Variants in VPS26B observed in about 807,000 individuals in gnomAD.
VPS26B encodes the protein VPS26 retromer complex component B.
A neutral mutation model predicts 33.3 loss-of-function variants in VPS26B; 10 were observed. The observed-to-expected ratio is 0.30, with a 90% CI of 0.19 to 0.51. The LOEUF is 0.51. Ranked by LOEUF, VPS26B falls within the 20% of genes least tolerant of loss-of-function variation. VPS26B has a pLI of 0.98. For synonymous variants in VPS26B, 190 were observed against 176.9 expected (o/e 1.07, Z -0.59); for missense variants, 317 against 452.7 (o/e 0.70, Z 2.72).
chr11:134,227,121 A>G (rs1938490067), intron 1 of VPS26B, among the ~76,000 whole-genome samples: 1 of 152,152 alleles, frequency 6.6e-6, no homozygotes, highest in African/African-American at 2.4e-5. Context: ...TACTGACCAG[A>G]CAACAGTAGC....
Position 134,243,200 on chromosome 11 carries a change from C to T in VPS26B, c.627C>T (p.Ile209=), listed in dbSNP as rs1482683283. The T allele has an allele frequency of 3.1e-6, 5 of 1,613,516 alleles. No individual in the cohort carries two copies. Among genetic ancestry groups the T allele is most frequent in the Non-Finnish European group, 2.5e-6 (3 of 1,179,654 alleles). Reference sequence around the variant, plus strand: ...AAATCAAGCACATGGAGATAGACATCATCAAGCGAGAAACGACGGGTACAG... The same window carrying T: ...AAATCAAGCACATGGAGATAGACATTATCAAGCGAGAAACGACGGGTACAG... ...RIKIKHMEID[I]IKRETTGTGP... is the part of the protein sequence containing the mutation. The change falls in exon 4 of 6, where the codon ATC becomes ATT. Residue 209 remains isoleucine, a synonymous_variant. Coordinates refer to ENST00000281187, the MANE Select transcript of VPS26B (RefSeq NM_052875.5).
intron 1 of VPS26B, among the ~76,000 whole-genome samples, chr11:134,231,089 T>A (rs567941104): frequency 3.9e-5 from 6 of 152,268 alleles, no homozygotes; most frequent in African/African-American, 1.4e-4. Context: ...GGAACACCAG[T>A]GAAGTTTAGA....
chr11:134,229,121 C>G (rs1481633551), intron 1 of VPS26B, among the ~76,000 whole-genome samples: 7 of 152,162 alleles, frequency 4.6e-5, no homozygotes, highest in African/African-American at 4.8e-5. Flanking sequence ...CCTCAACCCC[C>G]TGGGCTCAAG....
At position 134,245,223 on chromosome 11, in the gene VPS26B, A is replaced by C; in HGVS notation, c.864+143A>C. 7.4e-7 allele frequency: 1 copy of C among 1,357,822 alleles called. No homozygotes were observed. The highest frequency in any genetic ancestry group is 9.9e-7 in the Non-Finnish European group (1 of 1,014,202). 84.1% of individuals were successfully genotyped at this position (1,357,822 alleles called of 1,614,324 possible). A position where few individuals can be genotyped will look rare whatever the true frequency, so the allele number is the denominator to read the frequency against. ...TTGCACAACAAGAATGAGGATTCTC[A>C]CCTGGCCTTAGAGTCTGCTTCCTCG... On this transcript the variant is annotated intron_variant, in intron 5 of 5. Coordinates refer to ENST00000281187, the MANE Select transcript of VPS26B (RefSeq NM_052875.5). The surrounding 1 kb of genome is among the most constrained non-coding windows in gnomAD (Gnocchi z 4.7).
rs900849664 is a variant in VPS26B, at chr11:134,240,349, C to A, written c.545+194C>A. On this transcript the variant is annotated intron_variant, in intron 3 of 5. Transcript: ENST00000281187. The surrounding 1 kb of genome is among the most constrained non-coding windows in gnomAD (Gnocchi z 4.4). ...AGCTGGACCGACCACGACGTAAACA[C>A]TTCATTTACCTAAACTAAACCATAT... Among the ~76,000 whole-genome samples the A allele has an allele frequency of 1.3e-5, 2 of 152,174 alleles. No homozygotes were observed. The highest frequency in any genetic ancestry group is 4.8e-5 in the African/African-American group (2 of 41,438).
chr11:134,243,200 C>G lies in VPS26B; in HGVS notation c.627C>G (p.Ile209Met). 1 of 1,613,516 alleles carries G rather than the reference C, an allele frequency of 6.2e-7. No homozygotes were observed. Among genetic ancestry groups the G allele is most frequent in the Non-Finnish European group, 8.5e-7 (1 of 1,179,654 alleles). The change falls in exon 4 of 6, where the codon ATC (isoleucine) becomes ATG (methionine). Residue 209 changes from isoleucine to methionine, a missense_variant. Physicochemically the swap from Ile to Met is conservative, Grantham distance 10. Coordinates refer to ENST00000281187, the MANE Select transcript of VPS26B (RefSeq NM_052875.5). ...AAATCAAGCACATGGAGATAGACAT[C>G]ATCAAGCGAGAAACGACGGGTACAG... ...RIKIKHMEID[I>M]IKRETTGTGP...
chr11:134,225,488 C>A, intron 1 of VPS26B, 143 bp downstream of exon 1: 1 of 805,526 alleles, frequency 1.2e-6, no homozygotes, highest in Non-Finnish European at 2.0e-6. Flanking sequence ...CTACAAGTCC[C>A]GCCCGTGGGC....
chr11:134,239,072 C>A (rs181177672), intron 2 of VPS26B, among the ~76,000 whole-genome samples: 52 of 152,184 alleles, frequency 3.4e-4, no homozygotes, highest in African/African-American at 1.2e-3. Flanking sequence ...TGCTAAGTGC[C>A]GGGGATGACA....
intron 1 of VPS26B, among the ~76,000 whole-genome samples, chr11:134,232,920 C>T (rs940991343): frequency 7.9e-5 from 12 of 152,158 alleles, no homozygotes; most frequent in African/African-American, 2.2e-4. Flanking sequence ...TCCCTGTCCC[C>T]GGGGCTGGCC....
Position 134,245,812 on chromosome 11 carries a change from A to G in VPS26B, c.*222A>G. 1 of 590,232 alleles carries G rather than the reference A, an allele frequency of 1.7e-6. No individual in the cohort carries two copies. Among genetic ancestry groups the G allele is most frequent in the Non-Finnish European group, 2.9e-6 (1 of 346,686 alleles). The allele number at this position is 590,232 out of a possible 1,614,324, so 36.6% of individuals were successfully genotyped here. A position where few individuals can be genotyped will look rare whatever the true frequency, so the allele number is the denominator to read the frequency against. On this transcript the variant is annotated 3_prime_UTR_variant, in exon 6 of 6. Coordinates refer to ENST00000281187, the MANE Select transcript of VPS26B (RefSeq NM_052875.5). This position sits in a 1 kb window ranked among gnomAD's most constrained non-coding sequence, Gnocchi z 4.7. ...GATTCTGCGGCCGATGTGGGATAGA[A>G]GAGGTAGCATCCTGGAAGCCAGCCT...
intron 1 of VPS26B, among the ~76,000 whole-genome samples, chr11:134,231,677 G>C (rs1410290739): frequency 1.3e-5 from 2 of 151,898 alleles, no homozygotes; most frequent in Non-Finnish European, 1.5e-5. Context: ...CAATTCTCCT[G>C]CCTCAGCCTC....
intron 1 of VPS26B, among the ~76,000 whole-genome samples, chr11:134,228,795 C>T (rs941586817): frequency 5.9e-5 from 9 of 152,136 alleles, no homozygotes; most frequent in South Asian, 2.1e-4. Context: ...GCTGAAGCTG[C>T]GGTCGTGTGG....
At chr11:134,231,397 A>G (rs1200277935) in intron 1 of VPS26B, among the ~76,000 whole-genome samples, 1 of 152,196 alleles carries the variant, frequency 6.6e-6, no homozygotes, top group Non-Finnish European at 1.5e-5. Flanking sequence ...TGCTGGTGGG[A>G]CTGGAGCAGA....
intron 1 of VPS26B, among the ~76,000 whole-genome samples, chr11:134,232,978 G>A (rs954088895): frequency 6.6e-6 from 1 of 152,142 alleles, no homozygotes; most frequent in Non-Finnish European, 1.5e-5. Flanking sequence ...TATTGGGGGG[G>A]CACAATTACT....
chr11:134,225,542 C>G, intron 1 of VPS26B, 197 bp downstream of exon 1: 1 of 620,924 alleles, frequency 1.6e-6, no homozygotes. Context: ...AGTGACAGCG[C>G]GCTGCCAGGG....
intron 1 of VPS26B, 54 bp downstream of exon 1, chr11:134,225,399 A>G (rs760545308): frequency 1.9e-6 from 3 of 1,552,712 alleles, no homozygotes; most frequent in African/African-American, 2.7e-5. Context: ...GCCGGGGAGC[A>G]GGGTGATTCA....
rs1440129699 is a variant in VPS26B, at chr11:134,247,039, TTC to T, written c.*1451_*1452del. The stretch of plus-strand genomic sequence containing the variant: ...TTCAGTTAGTGTGGGAAAGGAAGAC[TTC>T]TGTTTTCCTGAGATCAGTGCAGTCT... On this transcript the variant is annotated 3_prime_UTR_variant, in exon 6 of 6. Coordinates refer to ENST00000281187, the MANE Select transcript of VPS26B (RefSeq NM_052875.5). 24 of 152,154 alleles carry T rather than the reference TTC, an allele frequency of 1.6e-4. No individual in the cohort carries two copies. The highest frequency in any genetic ancestry group is 2.1e-4 in the Non-Finnish European group (14 of 68,044). The allele number at this position is 152,154 out of a possible 1,614,324, so 9.4% of individuals were successfully genotyped here.
At chr11:134,238,090 G>T (rs1938660040) in intron 2 of VPS26B, among the ~76,000 whole-genome samples, 1 of 151,738 alleles carries the variant, frequency 6.6e-6, no homozygotes, top group Non-Finnish European at 1.5e-5. Flanking sequence ...TTAGAATCAT[G>T]TGGGAAGCTT....
At chr11:134,243,089 A>T (rs1938758735) in intron 3 of VPS26B, 30 bp from the exon 4 acceptor site, 3 of 1,612,474 alleles carry the variant, frequency 1.9e-6, no homozygotes, top group African/African-American at 2.7e-5. Flanking sequence ...CAGTACCAAC[A>T]TCTTACTTTC....
Sources: gnomAD v4.1 joint callset for allele counts (sites outside exome capture counted in the v4.1 genomes callset) on GRCh38, gnomAD v4.1.1 for gene constraint, Gnocchi (gnomAD v3.1) non-coding constraint, MANE v1.5 for transcripts, NCBI Gene and HGNC (gene_info 2026-07-23, HGNC 2026-07-21) for gene names.